Variants in NEDD9 observed in about 807,000 individuals in gnomAD.
The protein encoded by NEDD9 is enhancer of filamentation 1.
A neutral mutation model predicts 76.6 loss-of-function variants in NEDD9; 26 were observed. The ratio of observed to expected loss-of-function variants is 0.34; its 90% confidence interval spans 0.25 to 0.47. The LOEUF (loss-of-function observed/expected upper bound fraction) is 0.47. Ranked by LOEUF, NEDD9 falls within the 20% of genes least tolerant of loss-of-function variation. NEDD9 has a pLI of 1.00. For synonymous variants in NEDD9, 392 were observed against 414.2 expected, an observed-to-expected ratio of 0.95 and a Z score of 0.65; for missense variants, 937 against 1,058.5, an observed-to-expected ratio of 0.89 and a Z score of 1.59.
Position 11,199,637 on chromosome 6 carries a change from CTTTTTTTTTTTTTTTTTTTTTTTTTTT to C in NEDD9, c.460-5972_460-5946del, listed in dbSNP as rs59651160. On this transcript the variant is annotated intron_variant, in intron 2 of 6. Coordinates refer to ENST00000379446, the MANE Select transcript of NEDD9 (RefSeq NM_006403.4). The stretch of plus-strand genomic sequence containing the variant: ...AAAATGAAGAAAAGCTAGGAAAGAT[CTTTTTTTTTTTTTTTTTTTTTTTTTTT>C]TTTTTTTTTTTTTTGAGACAGAGTC... 17 of 43,146 alleles carry C rather than the reference CTTTTTTTTTTTTTTTTTTTTTTTTTTT, an allele frequency of 3.9e-4. 1 individual carries two copies. In the East Asian group the frequency reaches 9.1e-3, roughly 23 times the overall value. The allele number at this position is 43,146 out of a possible 1,614,324, so 2.7% of individuals were successfully genotyped here.
chr6:11,230,824 A>T (rs1759448234), intron 1 of NEDD9, among the ~76,000 whole-genome samples: 1 of 152,240 alleles, frequency 6.6e-6, no homozygotes, highest in Admixed American at 6.5e-5. Flanking sequence ...TTACGCTGTC[A>T]GTCACTTTAT....
At chr6:11,315,751 T>C (rs1160047165) in intron 2 of NEDD9, among the ~76,000 whole-genome samples, 2 of 152,182 alleles carry the variant, frequency 1.3e-5, no homozygotes, top group African/African-American at 2.4e-5. Flanking sequence ...TTGTTGTAAA[T>C]GGGCAAGACT....
chr6:11,285,593 C>T (rs1760631522), intron 3 of NEDD9, among the ~76,000 whole-genome samples: 1 of 152,056 alleles, frequency 6.6e-6, no homozygotes, highest in African/African-American at 2.4e-5. Context: ...GAAGAACAAA[C>T]TTGGAGGATT....
At chr6:11,379,386 G>C (rs922275952) in intron 1 of NEDD9, among the ~76,000 whole-genome samples, 1 of 152,064 alleles carries the variant, frequency 6.6e-6, no homozygotes, top group South Asian at 2.1e-4. Context: ...TCAGGAGTTC[G>C]AGACCAGCTT....
chr6:11,351,310 C>G (rs764952376), intron 1 of NEDD9, among the ~76,000 whole-genome samples: 1 of 152,142 alleles, frequency 6.6e-6, no homozygotes, highest in Non-Finnish European at 1.5e-5. Context: ...AGTTCAAGGC[C>G]TGGAGCAGAG....
chr6:11,290,028 G>C lies in NEDD9; in HGVS notation c.12+15964C>G, dbSNP rs945031332. ...GTAACTAACTGTTCCATTAGCACTT[G>C]TGTAGACGGTTCCACGGGGGCAAAG... On this transcript the variant is annotated intron_variant, in intron 3 of 3. Coordinates refer to the NEDD9 transcript ENST00000397378. 2.6e-5 allele frequency among the ~76,000 whole-genome samples: 4 copies of C among 152,170 alleles called. No homozygotes were observed. The South Asian group carries it at 8.3e-4, about 32-fold the overall frequency.
chr6:11,285,821 A>G (rs996192140), intron 3 of NEDD9, among the ~76,000 whole-genome samples: 2 of 152,190 alleles, frequency 1.3e-5, no homozygotes, highest in African/African-American at 4.8e-5. Context: ...AAAATAGTGC[A>G]CTTCAGTTCA....
At chr6:11,380,477 C>T (rs1044433960) in intron 1 of NEDD9, among the ~76,000 whole-genome samples, 3 of 152,200 alleles carry the variant, frequency 2.0e-5, no homozygotes, top group Non-Finnish European at 2.9e-5. Context: ...TGGGAATTTT[C>T]GTCTGCCCTT....
chr6:11,257,775 C>CTGTGTGTGTGTGTG (rs3067253), intron 3 of NEDD9, among the ~76,000 whole-genome samples: 4,524 of 142,980 alleles, frequency 0.032, 186 homozygotes, highest in African/African-American at 0.089. Flanking sequence ...AATGTAGATT[C>CTGTGTGTGTGTGTG]TGTGTGTGTG....
intron 2 of NEDD9, among the ~76,000 whole-genome samples, chr6:11,321,483 T>C (rs969360824): frequency 3.3e-5 from 5 of 152,222 alleles, no homozygotes; most frequent in African/African-American, 9.6e-5. Context: ...GACAATGAGC[T>C]TTGTTTCGTG....
At chr6:11,333,261 A>T (rs1484428386) in intron 2 of NEDD9, among the ~76,000 whole-genome samples, 1 of 152,170 alleles carries the variant, frequency 6.6e-6, no homozygotes, top group Admixed American at 6.5e-5. Flanking sequence ...ATCAAAAGAC[A>T]CAGGTTGTGT....
At chr6:11,211,632 TA>T (rs1217679228) in intron 2 of NEDD9, among the ~76,000 whole-genome samples, 1 of 152,188 alleles carries the variant, frequency 6.6e-6, no homozygotes, top group East Asian at 1.9e-4. Flanking sequence ...CTACAATTCC[TA>T]GGACAAGGAA....
At chr6:11,354,353 C>A (rs1762527674) in intron 1 of NEDD9, among the ~76,000 whole-genome samples, 1 of 152,186 alleles carries the variant, frequency 6.6e-6, no homozygotes, top group Non-Finnish European at 1.5e-5. Context: ...GGGAGCCCAG[C>A]AAAGGGCTTA....
At chr6:11,266,654 T>G (rs1346790594) in intron 3 of NEDD9, among the ~76,000 whole-genome samples, 1 of 152,214 alleles carries the variant, frequency 6.6e-6, no homozygotes, top group Admixed American at 6.5e-5. Flanking sequence ...AGTCTTCAAC[T>G]ACTGTATGGG....
At chr6:11,243,373 G>A (rs1366994818) in intron 3 of NEDD9, among the ~76,000 whole-genome samples, 1 of 152,224 alleles carries the variant, frequency 6.6e-6, no homozygotes, top group African/African-American at 2.4e-5. Flanking sequence ...GAATTCAGCT[G>A]ATAAAAAATC....
intron 3 of NEDD9, among the ~76,000 whole-genome samples, chr6:11,276,951 A>AAACAAACAAACAAAC (rs542762363): frequency 0.015 from 2,292 of 152,228 alleles, 57 homozygotes; most frequent in African/African-American, 0.051. Context: ...GGAAACAAAC[A>AAACAAACAAACAAAC]AACAAACAAA....
At chr6:11,278,923 TA>T (rs369418771) in intron 3 of NEDD9, among the ~76,000 whole-genome samples, 12,694 of 145,852 alleles carry the variant, frequency 0.087, 644 homozygotes, top group Middle Eastern at 0.16. Flanking sequence ...GATAAAGAGT[TA>T]AAAAAAAAAA....
At chr6:11,196,845 A>G in intron 2 of NEDD9, among the ~76,000 whole-genome samples, 1 of 152,096 alleles carries the variant, frequency 6.6e-6, no homozygotes, top group East Asian at 1.9e-4. Context: ...TGACGTGTGG[A>G]AGATCAGGGA....
chr6:11,290,948 C>G (rs578187871), intron 3 of NEDD9, among the ~76,000 whole-genome samples: 54 of 152,238 alleles, frequency 3.5e-4, no homozygotes, highest in Middle Eastern at 3.4e-3. Flanking sequence ...AAGTGATGTA[C>G]TCTGCTTTCT....
Sources: gnomAD v4.1 joint callset for allele counts (sites outside exome capture counted in the v4.1 genomes callset) on GRCh38, gnomAD v4.1.1 for gene constraint, MANE v1.5 for transcripts, NCBI Gene and HGNC (gene_info 2026-07-23, HGNC 2026-07-21) for gene names.